The following ST8SIA1 variants were observed in gnomAD, a reference collection of about 807,000 sequenced individuals.
ST8SIA1 encodes ST8 alpha-N-acetyl-neuraminide alpha-2,8-sialyltransferase 1, also known as alpha-N-acetylneuraminide alpha-2,8-sialyltransferase.
Under a neutral mutation model 35.9 loss-of-function variants are expected in ST8SIA1, and 16 were observed. The observed-to-expected ratio is 0.45, with a 90% CI of 0.30 to 0.68. The LOEUF is 0.68. ST8SIA1 is among the 30% of genes least tolerant of loss of function. The pLI, the probability that ST8SIA1 is intolerant of heterozygous loss-of-function variation, is 0.09. For synonymous variants in ST8SIA1, 170 were observed against 169.6 expected, an observed-to-expected ratio of 1.00 and a Z score of -0.02; for missense variants, 383 against 453.6, an observed-to-expected ratio of 0.84 and a Z score of 1.41.
rs1034478870 is a variant in ST8SIA1 at position 22,326,031 on chromosome 12, A to G, written c.236+7966T>C. 1.0e-4 allele frequency: 49 copies of G among 468,048 alleles called. No homozygotes were observed. In the Admixed American group the frequency reaches 1.9e-3, roughly 18 times the overall value. 29.0% of individuals were successfully genotyped at this position (468,048 alleles called of 1,614,324 possible). ...ACAGAGCACAATTTAAAACTTATGA[A>G]TTGTTTATTTCTGGAATTTCCATTT... is the stretch of plus-strand genomic sequence containing the variant. On this transcript the variant is annotated intron_variant, in intron 1 of 4. Transcript: ENST00000396037.
At position 22,243,088 on chromosome 12, in the gene ST8SIA1, T is replaced by C. The variant is rs560753555; in HGVS notation, c.584+5918A>G. 3.3e-5 allele frequency among the ~76,000 whole-genome samples: 5 copies of C among 152,168 alleles called. No homozygotes were observed. In the South Asian group the frequency reaches 1.0e-3, roughly 31 times the overall value. ...TTCTCTAACTTTCTTTTTTTCACTA[T>C]AATTATGAGTGCCTCTCACATATGT... On this transcript the variant is annotated intron_variant, in intron 4 of 4. Coordinates refer to ENST00000396037, the MANE Select transcript of ST8SIA1 (RefSeq NM_003034.4).
intron 1 of ST8SIA1, among the ~76,000 whole-genome samples, chr12:22,303,869 C>CACACACACACACAT (rs1555161253): frequency 1.9e-4 from 29 of 151,840 alleles, no homozygotes; most frequent in African/African-American, 6.3e-4. Context: ...CACACACACA[C>CACACACACACACAT]ACACACACAC....
At chr12:22,269,617 C>T (rs1271020057) in intron 2 of ST8SIA1, among the ~76,000 whole-genome samples, 1 of 152,140 alleles carries the variant, frequency 6.6e-6, no homozygotes, top group African/African-American at 2.4e-5. Flanking sequence ...CATTTTTTCA[C>T]TATGATAAAC....
At chr12:22,248,111 T>C (rs1177617721) in intron 4 of ST8SIA1, among the ~76,000 whole-genome samples, 1 of 152,190 alleles carries the variant, frequency 6.6e-6, no homozygotes, top group Non-Finnish European at 1.5e-5. Flanking sequence ...TAAAAGCTGA[T>C]TGCATTTCTA....
In ST8SIA1 at chr12:22,197,942, A is replaced by G. The variant is rs1865007661; in HGVS notation, c.*3610T>C. On this transcript the variant is annotated 3_prime_UTR_variant, in exon 5 of 5. Transcript: ENST00000396037. ...AGTTTAGATGTGCAATTTTGTATAA[A>G]CTTTTGGCAAAATCCTCTATACAAA... The G allele has an allele frequency of 6.6e-6, 1 of 152,162 alleles. No individual in the cohort carries two copies. Among genetic ancestry groups the G allele is most frequent in the Admixed American group, 6.5e-5 (1 of 15,270 alleles). 9.4% of individuals were successfully genotyped at this position (152,162 alleles called of 1,614,324 possible).
Position 22,201,750 on chromosome 12 carries a change from G to A in ST8SIA1, c.873C>T (p.Ala291=). The A allele has an allele frequency of 9.9e-6, 16 of 1,614,100 alleles. No individual in the cohort carries two copies. The highest frequency in any genetic ancestry group is 1.4e-5 in the Non-Finnish European group (16 of 1,179,968). ...SAALGLCEEV[A]IYGFWPFSVN... ...CAGAGAAGGGCCAGAAGCCATAGAT[G>A]GCCACCTCTTCACAGAGACCCAGAG... The change falls in exon 5 of 5, where the codon GCC becomes GCT. Residue 291 remains alanine (A), a synonymous_variant. Coordinates refer to ENST00000396037, the MANE Select transcript of ST8SIA1 (RefSeq NM_003034.4).
chr12:22,312,704 C>G (rs12815963), intron 1 of ST8SIA1, among the ~76,000 whole-genome samples: 48,908 of 143,336 alleles, frequency 0.34, 8,754 homozygotes, highest in Middle Eastern at 0.54. Flanking sequence ...GTAGGGGCGT[C>G]ACGGAAATGA....
At chr12:22,327,447 G>A (rs1012985407) in intron 1 of ST8SIA1, among the ~76,000 whole-genome samples, 1 of 152,134 alleles carries the variant, frequency 6.6e-6, no homozygotes, top group Non-Finnish European at 1.5e-5. Flanking sequence ...ACATACCAGG[G>A]GGGCAAGCCA....
chr12:22,229,053 C>CAAA (rs1865387392), intron 4 of ST8SIA1, among the ~76,000 whole-genome samples: 1 of 29,768 alleles, frequency 3.4e-5, no homozygotes. Flanking sequence ...GACTCCATCT[C>CAAA]CAAAAAAAAA....
chr12:22,225,930 AT>A (rs1331038169), intron 4 of ST8SIA1, among the ~76,000 whole-genome samples: 1 of 152,192 alleles, frequency 6.6e-6, no homozygotes, highest in African/African-American at 2.4e-5. Flanking sequence ...CACCATGTAT[AT>A]CAGCAAACAC....
chr12:22,276,979 G>A (rs1865977033), intron 2 of ST8SIA1, among the ~76,000 whole-genome samples: 1 of 152,084 alleles, frequency 6.6e-6, no homozygotes, highest in Non-Finnish European at 1.5e-5. Flanking sequence ...GTTGATAAAA[G>A]AGGCCAAAGC....
chr12:22,227,840 G>T (rs531549997), intron 4 of ST8SIA1, among the ~76,000 whole-genome samples: 1 of 152,252 alleles, frequency 6.6e-6, no homozygotes, highest in East Asian at 1.9e-4. Flanking sequence ...CTCATGTCTA[G>T]CAAACAATCA....
intron 1 of ST8SIA1, chr12:22,325,939 A>G (rs1171983513): frequency 1.5e-6 from 1 of 687,568 alleles, no homozygotes; most frequent in Non-Finnish European, 2.6e-6. Flanking sequence ...GACGCTGAAC[A>G]AAGGGAAGAT....
chr12:22,291,813 AGTTTT>A (rs1866180185), intron 1 of ST8SIA1, among the ~76,000 whole-genome samples: 1 of 152,228 alleles, frequency 6.6e-6, no homozygotes, highest in Non-Finnish European at 1.5e-5. Context: ...GAAAGCTGTT[AGTTTT>A]ATGTACAAAA....
intron 1 of ST8SIA1, among the ~76,000 whole-genome samples, chr12:22,311,581 TC>T (rs979744189): frequency 2.0e-5 from 3 of 152,176 alleles, no homozygotes; most frequent in Admixed American, 2.0e-4. Context: ...TGAGATGATG[TC>T]CTTTCTACTT....
chr12:22,324,273 T>C (rs895909058), intron 1 of ST8SIA1: 1 of 151,866 alleles, frequency 6.6e-6, no homozygotes, highest in East Asian at 1.9e-4. Flanking sequence ...GGAACAAAAA[T>C]TTTAAAAAGA....
intron 1 of ST8SIA1, among the ~76,000 whole-genome samples, chr12:22,326,609 A>G (rs916491252): frequency 6.6e-6 from 1 of 152,224 alleles, no homozygotes; most frequent in Non-Finnish European, 1.5e-5. Flanking sequence ...CTGGGACTCC[A>G]AAGTCCAGAC....
At chr12:22,301,792 C>A (rs1866321280) in intron 1 of ST8SIA1, among the ~76,000 whole-genome samples, 1 of 152,134 alleles carries the variant, frequency 6.6e-6, no homozygotes, top group South Asian at 2.1e-4. Flanking sequence ...AAGAATGTCA[C>A]TTTCTGGCAG....
Position 22,198,381 on chromosome 12 carries a change from T to C in ST8SIA1, c.*3171A>G, listed in dbSNP as rs1047832769. The C allele has an allele frequency of 2.6e-5, 4 of 152,080 alleles. No homozygotes were observed. The highest frequency in any genetic ancestry group is 7.2e-5 in the African/African-American group (3 of 41,418). The allele number at this position is 152,080 out of a possible 1,614,324, so 9.4% of individuals were successfully genotyped here. ...TAATTCTGAAGGTCTTAATTTCAGA[T>C]AAACAAAGAAAGATAATGGGAGCTT... On this transcript the variant is annotated 3_prime_UTR_variant, in exon 5 of 5. Coordinates refer to ENST00000396037, the MANE Select transcript of ST8SIA1 (RefSeq NM_003034.4).
Sources: allele counts gnomAD v4.1 joint callset (sites outside exome capture counted in the v4.1 genomes callset), GRCh38; gene constraint gnomAD v4.1.1; transcripts MANE v1.5; gene names NCBI Gene and HGNC (gene_info 2026-07-23, HGNC 2026-07-21).